The following MIER2 variants were observed in gnomAD, a reference collection of about 807,000 sequenced individuals.
The protein encoded by MIER2 is mesoderm induction early response protein 2.
A neutral mutation model predicts 67.6 loss-of-function variants in MIER2; 30 were observed. The observed-to-expected ratio is 0.44, with a 90% CI of 0.33 to 0.60. The LOEUF is 0.60. MIER2 is among the 20% of genes least tolerant of loss of function. The pLI, the probability that MIER2 is intolerant of heterozygous loss-of-function variation, is 0.02. For synonymous variants in MIER2, 372 were observed against 312.6 expected (o/e 1.19, Z -2.00); for missense variants, 702 against 745.1 (o/e 0.94, Z 0.67).
chr19:314,992 G>T (rs572906121), intron 7 of MIER2, among the ~76,000 whole-genome samples: 1 of 152,096 alleles, frequency 6.6e-6, no homozygotes. Context: ...GAGCCCAGGA[G>T]GTCGAGGTTG....
chr19:323,709 C>A (rs528332201), intron 7 of MIER2, among the ~76,000 whole-genome samples: 1 of 151,786 alleles, frequency 6.6e-6, no homozygotes, highest in South Asian at 2.1e-4. Flanking sequence ...ACAAGACACA[C>A]GCAACCACAC....
intron 10 of MIER2, 105 bp downstream of exon 10, chr19:311,740 A>G: frequency 9.3e-7 from 1 of 1,074,284 alleles, no homozygotes. Flanking sequence ...GACACAGGAC[A>G]CGGGGCTCCA....
chr19:311,712 G>C, intron 10 of MIER2, 133 bp downstream of exon 10: 1 of 767,618 alleles, frequency 1.3e-6, no homozygotes, highest in Non-Finnish European at 2.1e-6. Context: ...ACAGCAATGG[G>C]CACACGGTGA....
intron 7 of MIER2, among the ~76,000 whole-genome samples, chr19:319,458 A>G (rs982421317): frequency 2.6e-5 from 4 of 152,110 alleles, no homozygotes; most frequent in Non-Finnish European, 5.9e-5. Flanking sequence ...AATTGATAAA[A>G]CTTTTTGTTT....
chr19:344,060 C>G, intron 1 of MIER2: 1 of 985,450 alleles, frequency 1.0e-6, no homozygotes, highest in Non-Finnish European at 1.2e-6. Context: ...TGGTCCCAAA[C>G]ATTTCAGATA....
At chr19:344,409 C>T in intron 1 of MIER2, 1 of 983,416 alleles carries the variant, frequency 1.0e-6, no homozygotes, top group Non-Finnish European at 1.2e-6. Context: ...GGGCCCGGGC[C>T]GGGGCCGGGA....
intron 10 of MIER2, 72 bp downstream of exon 10, chr19:311,773 G>A: frequency 1.4e-6 from 2 of 1,457,288 alleles, no homozygotes; most frequent in Admixed American, 1.7e-5. Flanking sequence ...GCCGTGTGCT[G>A]TGTGCCTGCG....
rs72986440 is a variant in MIER2, at chr19:342,205, C to A, written c.9+2569G>T. Among the ~76,000 whole-genome samples, 963 of 152,340 alleles carry A rather than the reference C, an allele frequency of 6.3e-3. 6 individuals are homozygous for A. Among genetic ancestry groups the A allele is most frequent in the Non-Finnish European group, 0.01 (707 of 68,032 alleles). The stretch of plus-strand genomic sequence containing the variant: ...CTGACCAATGTTCCCTGGGCGCCCA[C>A]TCTGGGCTCAGCAAGGCAGTGGCGT... On this transcript the variant is annotated intron_variant, in intron 1 of 13. Transcript: ENST00000264819.
At chr19:343,886 C>CA (rs939571784) in intron 1 of MIER2, 13 of 985,134 alleles carry the variant, frequency 1.3e-5, no homozygotes, top group Admixed American at 6.2e-5. Flanking sequence ...ACTCCAAAAT[C>CA]AAAAAAAGCT....
intron 2 of MIER2, among the ~76,000 whole-genome samples, chr19:334,998 A>C (rs1050061984): frequency 3.3e-5 from 5 of 152,142 alleles, no homozygotes; most frequent in Non-Finnish European, 5.9e-5. Flanking sequence ...GGACAAACCA[A>C]TGGGGGCTCG....
chr19:319,761 A>G (rs1971420331), intron 7 of MIER2, among the ~76,000 whole-genome samples: 1 of 152,132 alleles, frequency 6.6e-6, no homozygotes, highest in Admixed American at 6.5e-5. Flanking sequence ...CTGGCCTCTC[A>G]CATCTTAAAG....
At chr19:318,880 C>T (rs1971374643) in intron 7 of MIER2, among the ~76,000 whole-genome samples, 1 of 151,892 alleles carries the variant, frequency 6.6e-6, no homozygotes, top group African/African-American at 2.4e-5. Context: ...CACAGTGAAA[C>T]CCCGTCTCTA....
intron 1 of MIER2, among the ~76,000 whole-genome samples, chr19:342,407 C>T (rs1233930885): frequency 6.6e-6 from 1 of 151,918 alleles, no homozygotes; most frequent in Non-Finnish European, 1.5e-5. Flanking sequence ...GTGGAACCAT[C>T]GTTGGCAGCC....
intron 3 of MIER2, among the ~76,000 whole-genome samples, chr19:331,360 G>GAAAAAAAAAAA (rs917485905): frequency 1.8e-4 from 21 of 117,948 alleles, no homozygotes; most frequent in East Asian, 4.8e-4. Context: ...TCTGTCCCCA[G>GAAAAAAAAAAA]AAAAAAAAAA....
At chr19:324,806 C>T (rs1971665779) in intron 7 of MIER2, among the ~76,000 whole-genome samples, 1 of 152,198 alleles carries the variant, frequency 6.6e-6, no homozygotes, top group Admixed American at 6.5e-5. Flanking sequence ...GGGAAAGGGC[C>T]CTGATGACAG....
chr19:317,483 C>T lies in MIER2; in HGVS notation c.656-3840G>A, dbSNP rs535206232. On this transcript the variant is annotated intron_variant, in intron 7 of 13. Transcript: ENST00000264819. ...CGGAGCTTGCAGTGAGCTGAGATCG[C>T]GCCACTGCACTCCAACCTGGGTGAC... 9.0e-4 allele frequency among the ~76,000 whole-genome samples: 136 copies of T among 151,356 alleles called. 1 individual carries two copies. The highest frequency in any genetic ancestry group is 1.6e-3 in the Admixed American group (24 of 15,226).
intron 7 of MIER2, among the ~76,000 whole-genome samples, chr19:321,452 T>A (rs191918397): frequency 6.6e-6 from 1 of 152,030 alleles, no homozygotes; most frequent in Non-Finnish European, 1.5e-5. Flanking sequence ...CGAGATCAGC[T>A]TGGCCAACAT....
At position 324,361 on chromosome 19, in the gene MIER2, G is replaced by C. The variant is rs1402376109; in HGVS notation, c.655+1274C>G. On this transcript the variant is annotated intron_variant, in intron 7 of 13. Transcript: ENST00000264819. ...AGACGTCATCACAATGCAATACACAGGACACACACAACCACACAGACGACT... is the reference window on the plus strand; with the variant it reads ...AGACGTCATCACAATGCAATACACACGACACACACAACCACACAGACGACT... Among the ~76,000 whole-genome samples the C allele has an allele frequency of 1.9e-3, 179 of 92,154 alleles. 14 individuals are homozygous for C. The highest frequency in any genetic ancestry group is 0.011 in the Middle Eastern group (1 of 88). The allele number at this position is 92,154 out of a possible 152,430, so 60.5% of individuals were successfully genotyped here. A position where few individuals can be genotyped will look rare whatever the true frequency, so the allele number is the denominator to read the frequency against.
intron 1 of MIER2, chr19:344,031 C>A (rs1972625675): frequency 1.0e-6 from 1 of 985,460 alleles, no homozygotes; most frequent in Non-Finnish European, 1.2e-6. Context: ...TGGAAAAATT[C>A]TGGATTCCAA....
Sources: allele counts gnomAD v4.1 joint callset (sites outside exome capture counted in the v4.1 genomes callset), GRCh38; gene constraint gnomAD v4.1.1; transcripts MANE v1.5; gene names NCBI Gene and HGNC (gene_info 2026-07-23, HGNC 2026-07-21).